DPP10: variants seen among roughly 807,000 people sequenced by gnomAD.
DPP10 encodes the protein dipeptidyl peptidase like 10, also known as inactive dipeptidyl peptidase 10.
Under a neutral mutation model 120.9 loss-of-function variants are expected in DPP10, and 33 were observed. The observed-to-expected ratio is 0.27, with a 90% CI of 0.21 to 0.37. The LOEUF (loss-of-function observed/expected upper bound fraction) is 0.37. Among genes scored for constraint, DPP10 ranks in the 10% least tolerant of loss-of-function variants. DPP10 has a pLI of 1.00. For missense variants in DPP10, 816 were observed against 942.8 expected (o/e 0.87, Z 1.76); for synonymous variants, 337 against 326.1 (o/e 1.03, Z -0.36).
At chr2:115,725,717 A>G (rs1297018884) in intron 7 of DPP10, among the ~76,000 whole-genome samples, 1 of 152,194 alleles carries the variant, frequency 6.6e-6, no homozygotes, top group African/African-American at 2.4e-5. Context: ...TAAGAGCAAT[A>G]TGTGCTGAGT....
chr2:114,723,764 AAGG>A (rs1701862598), intron 1 of DPP10, among the ~76,000 whole-genome samples: 1 of 152,156 alleles, frequency 6.6e-6, no homozygotes. Flanking sequence ...CTTCTTTGAC[AAGG>A]AATTCAAAAA....
intron 1 of DPP10, among the ~76,000 whole-genome samples, chr2:115,024,604 G>A (rs970498573): frequency 1.3e-5 from 2 of 150,508 alleles, no homozygotes; most frequent in African/African-American, 2.4e-5. Context: ...TAGGGTGTTT[G>A]GGATATACAT....
chr2:114,565,843 C>T (rs1312555514), intron 1 of DPP10, among the ~76,000 whole-genome samples: 1 of 152,176 alleles, frequency 6.6e-6, no homozygotes, highest in Admixed American at 6.5e-5. Context: ...AGGTGCAGTG[C>T]TAGGCACACA....
intron 1 of DPP10, among the ~76,000 whole-genome samples, chr2:115,114,599 C>G (rs770788357): frequency 6.6e-6 from 1 of 152,152 alleles, no homozygotes; most frequent in Admixed American, 6.5e-5. Flanking sequence ...TCTGCTCAGG[C>G]TCCTGCATTC....
At chr2:114,722,968 T>C (rs1701802219) in intron 1 of DPP10, among the ~76,000 whole-genome samples, 1 of 151,936 alleles carries the variant, frequency 6.6e-6, no homozygotes, top group Non-Finnish European at 1.5e-5. Flanking sequence ...AAATACCATA[T>C]TGGAGAAAAG....
chr2:115,098,148 G>A (rs1191792610), intron 1 of DPP10, among the ~76,000 whole-genome samples: 2 of 152,124 alleles, frequency 1.3e-5, no homozygotes, highest in African/African-American at 2.4e-5. Context: ...GGGTGCACAC[G>A]CATGGTTGTC....
intron 4 of DPP10, among the ~76,000 whole-genome samples, chr2:115,518,778 T>C (rs1278508483): frequency 6.6e-6 from 1 of 152,182 alleles, no homozygotes; most frequent in Non-Finnish European, 1.5e-5. Context: ...GTAAGTATTA[T>C]GTTACACACA....
chr2:115,433,203 T>C (rs994357677), intron 3 of DPP10, among the ~76,000 whole-genome samples: 10 of 152,094 alleles, frequency 6.6e-5, no homozygotes, highest in African/African-American at 2.4e-4. Context: ...TATAAATGTT[T>C]CATGGGCTAT....
intron 1 of DPP10, among the ~76,000 whole-genome samples, chr2:114,765,026 T>G (rs1198256869): frequency 6.6e-6 from 1 of 152,168 alleles, no homozygotes; most frequent in Non-Finnish European, 1.5e-5. Flanking sequence ...TGGTTTCAAA[T>G]GATTGGTCCA....
intron 17 of DPP10, among the ~76,000 whole-genome samples, chr2:115,789,647 G>T (rs976644253): frequency 6.6e-6 from 1 of 152,122 alleles, no homozygotes; most frequent in Admixed American, 6.5e-5. Flanking sequence ...AGAAATATAT[G>T]CAGTAAAACT....
chr2:115,477,030 C>A lies in DPP10; in HGVS notation c.272-22480C>A, dbSNP rs181541126. Among the ~76,000 whole-genome samples the A allele has an allele frequency of 3.9e-3, 591 of 152,230 alleles. 3 individuals carry two copies. The highest frequency in any genetic ancestry group is 6.4e-3 in the Admixed American group (98 of 15,282). On this transcript the variant is annotated intron_variant, in intron 3 of 25. Coordinates refer to ENST00000410059, the MANE Select transcript of DPP10 (RefSeq NM_020868.6). ...GAAAACTATTTCAATATATTCTAAT[C>A]CACACATGAGAAACCCATAGCACAC...
intron 1 of DPP10, among the ~76,000 whole-genome samples, chr2:114,669,623 A>G (rs2043573): frequency 0.11 from 17,079 of 152,122 alleles, 1,181 homozygotes; most frequent in Admixed American, 0.21. Flanking sequence ...GCTGCTTACT[A>G]CTTACACAAG....
intron 5 of DPP10, among the ~76,000 whole-genome samples, chr2:115,543,696 T>A (rs1370845798): frequency 4.6e-5 from 7 of 151,976 alleles, no homozygotes; most frequent in Admixed American, 3.9e-4. Flanking sequence ...AGTCACTAGC[T>A]GTGAAAAAAA....
chr2:115,509,147 G>A (rs982276056), intron 4 of DPP10, among the ~76,000 whole-genome samples: 34 of 152,166 alleles, frequency 2.2e-4, no homozygotes, highest in African/African-American at 7.0e-4. Flanking sequence ...ATATATTCCC[G>A]TTGAAGTGAG....
At chr2:114,507,744 C>T (rs1683798712) in intron 1 of DPP10, among the ~76,000 whole-genome samples, 1 of 152,148 alleles carries the variant, frequency 6.6e-6, no homozygotes, top group African/African-American at 2.4e-5. Flanking sequence ...TAGCAAGAAA[C>T]TTAGCTTCTC....
intron 1 of DPP10, among the ~76,000 whole-genome samples, chr2:114,633,251 T>G (rs1695072862): frequency 9.1e-6 from 1 of 109,580 alleles, no homozygotes; most frequent in Non-Finnish European, 1.8e-5. Flanking sequence ...TTTCTTTCTT[T>G]TTTTTTTTTT....
intron 7 of DPP10, among the ~76,000 whole-genome samples, chr2:115,714,866 A>T (rs1156737742): frequency 6.6e-6 from 1 of 151,942 alleles, no homozygotes; most frequent in Non-Finnish European, 1.5e-5. Context: ...TGTCTCTACT[A>T]AAAATATACA....
intron 1 of DPP10, among the ~76,000 whole-genome samples, chr2:114,457,564 C>A (rs551889318): frequency 6.6e-6 from 1 of 152,140 alleles, no homozygotes; most frequent in Non-Finnish European, 1.5e-5. Flanking sequence ...GTTGAGCCAC[C>A]CAAAGAACAC....
chr2:114,487,127 T>TA (rs2104708885), intron 1 of DPP10, among the ~76,000 whole-genome samples: 1 of 152,350 alleles, frequency 6.6e-6, no homozygotes, highest in African/African-American at 2.4e-5. Flanking sequence ...CTCCAGCTAA[T>TA]ACTGTTGTAA....
Sources: allele counts gnomAD v4.1 joint callset (sites outside exome capture counted in the v4.1 genomes callset), GRCh38; gene constraint gnomAD v4.1.1; transcripts MANE v1.5; gene names NCBI Gene and HGNC (gene_info 2026-07-23, HGNC 2026-07-21).